Variants in RNGTT observed in about 807,000 individuals in gnomAD.
The protein encoded by RNGTT is mRNA-capping enzyme.
A neutral mutation model predicts 79.3 loss-of-function variants in RNGTT; 33 were observed. The ratio of observed to expected loss-of-function variants is 0.42; its 90% confidence interval spans 0.32 to 0.56. RNGTT has a LOEUF of 0.56. Among genes scored for constraint, RNGTT ranks in the 20% least tolerant of loss-of-function variants. The pLI is 0.17. For missense variants in RNGTT, 497 were observed against 739.1 expected (o/e 0.67, Z 3.80); for synonymous variants, 222 against 235.9 (o/e 0.94, Z 0.54).
chr6:88,949,082 T>A (rs1785136072), intron 1 of RNGTT, among the ~76,000 whole-genome samples: 1 of 115,784 alleles, frequency 8.6e-6, no homozygotes, highest in Non-Finnish European at 1.7e-5. Flanking sequence ...AATCCCCCTC[T>A]GTGAGAAACA....
intron 11 of RNGTT, among the ~76,000 whole-genome samples, chr6:88,820,349 C>T (rs1196452496): frequency 6.6e-6 from 1 of 152,118 alleles, no homozygotes; most frequent in Non-Finnish European, 1.5e-5. Context: ...AATCAAAAAA[C>T]AATCAAATAT....
intron 8 of RNGTT, among the ~76,000 whole-genome samples, chr6:88,870,035 A>C (rs566918491): frequency 6.6e-5 from 10 of 152,278 alleles, no homozygotes; most frequent in Non-Finnish European, 1.2e-4. Flanking sequence ...CAAAAATGTT[A>C]CTAAAATAAA....
chr6:88,646,617 G>C lies in RNGTT; in HGVS notation c.1506+31736C>G, dbSNP rs1457071494. Among the ~76,000 whole-genome samples, 7 of 152,272 alleles carry C rather than the reference G, an allele frequency of 4.6e-5. No individual in the cohort carries two copies. In the East Asian group the frequency reaches 1.2e-3, roughly 25 times the overall value. ...CCAAATGTCCACCAATGATAGACTG[G>C]ATTAAGAAAATGTGGCACATATACA... On this transcript the variant is annotated intron_variant, in intron 14 of 15. Transcript: ENST00000369485.
At chr6:88,886,978 A>G (rs145664589) in intron 8 of RNGTT, among the ~76,000 whole-genome samples, 7 of 151,066 alleles carry the variant, frequency 4.6e-5, no homozygotes, top group African/African-American at 1.7e-4. Flanking sequence ...CAGGAGGCCA[A>G]CAGGGAAGAA....
At chr6:88,640,198 G>A (rs900245856) in intron 14 of RNGTT, among the ~76,000 whole-genome samples, 1 of 152,116 alleles carries the variant, frequency 6.6e-6, no homozygotes, top group Non-Finnish European at 1.5e-5. Flanking sequence ...CTTAATGAAT[G>A]TCAGTTTAAT....
intron 14 of RNGTT, among the ~76,000 whole-genome samples, chr6:88,633,190 GAACAA>G (rs942302582): frequency 1.7e-4 from 26 of 151,824 alleles, no homozygotes; most frequent in African/African-American, 6.3e-4. Context: ...CTCCTTGAGT[GAACAA>G]AACAAGTCAT....
chr6:88,962,370 G>A (rs544199122), intron 1 of RNGTT, among the ~76,000 whole-genome samples: 3 of 152,062 alleles, frequency 2.0e-5, no homozygotes, highest in Non-Finnish European at 2.9e-5. Context: ...GGTGGCTCTC[G>A]CCTATAATCC....
chr6:88,956,899 C>T (rs1486677195), intron 1 of RNGTT, among the ~76,000 whole-genome samples: 1 of 151,934 alleles, frequency 6.6e-6, no homozygotes, highest in Non-Finnish European at 1.5e-5. Context: ...ATTAGCCAGA[C>T]GTGGTGGCAG....
At chr6:88,685,303 T>C (rs1028970666) in intron 13 of RNGTT, among the ~76,000 whole-genome samples, 5 of 152,126 alleles carry the variant, frequency 3.3e-5, no homozygotes, top group African/African-American at 4.8e-5. Flanking sequence ...TAGTTAGTAA[T>C]ATAACCAATT....
At chr6:88,650,009 A>T (rs531633135) in intron 14 of RNGTT, among the ~76,000 whole-genome samples, 281 of 152,270 alleles carry the variant, frequency 1.8e-3, no homozygotes, top group Middle Eastern at 3.4e-3. Flanking sequence ...GATTTTACTG[A>T]TTAGATCGTT....
At chr6:88,819,097 A>T (rs1007405973) in intron 11 of RNGTT, among the ~76,000 whole-genome samples, 1 of 152,190 alleles carries the variant, frequency 6.6e-6, no homozygotes, top group East Asian at 1.9e-4. Context: ...TACAGTTATT[A>T]TAACATCTAT....
chr6:88,741,559 G>A (rs1777493231), intron 13 of RNGTT, among the ~76,000 whole-genome samples: 1 of 151,968 alleles, frequency 6.6e-6, no homozygotes, highest in Admixed American at 6.6e-5. Context: ...TTACAAACCT[G>A]CACAATTACC....
chr6:88,840,541 C>T (rs1269483993), intron 11 of RNGTT, among the ~76,000 whole-genome samples: 1 of 152,138 alleles, frequency 6.6e-6, no homozygotes, highest in Non-Finnish European at 1.5e-5. Context: ...GAACTACAGG[C>T]ATGTGCCACC....
chr6:88,831,066 G>T (rs746873882), intron 11 of RNGTT, among the ~76,000 whole-genome samples: 1 of 152,048 alleles, frequency 6.6e-6, no homozygotes, highest in Non-Finnish European at 1.5e-5. Context: ...GAAAAAGAGG[G>T]GCTCCAACCT....
intron 13 of RNGTT, among the ~76,000 whole-genome samples, chr6:88,732,065 G>C (rs1179259203): frequency 6.6e-6 from 1 of 152,020 alleles, no homozygotes; most frequent in Non-Finnish European, 1.5e-5. Flanking sequence ...AGAAGAGGAG[G>C]GTTGGTCTTG....
chr6:88,652,497 C>T (rs1773833857), intron 14 of RNGTT, among the ~76,000 whole-genome samples: 1 of 152,076 alleles, frequency 6.6e-6, no homozygotes, highest in Non-Finnish European at 1.5e-5. Flanking sequence ...AATTAAAGAT[C>T]CCTCCAATCC....
At chr6:88,949,175 A>G (rs1300432823) in intron 1 of RNGTT, among the ~76,000 whole-genome samples, 32 of 140,952 alleles carry the variant, frequency 2.3e-4, no homozygotes, top group African/African-American at 7.7e-4. Flanking sequence ...AAAAAAAAAA[A>G]AAAGAAAATG....
At chr6:88,724,041 C>T (rs1377192475) in intron 13 of RNGTT, among the ~76,000 whole-genome samples, 2 of 152,034 alleles carry the variant, frequency 1.3e-5, no homozygotes, top group Non-Finnish European at 2.9e-5. Context: ...GGGTTTTAAC[C>T]TAACTCTTTT....
chr6:88,904,576 T>A, intron 6 of RNGTT, 139 bp downstream of exon 6: 2 of 1,050,808 alleles, frequency 1.9e-6, no homozygotes, highest in Non-Finnish European at 2.6e-6. Context: ...AAAAAAAAAT[T>A]TTTTTTTTAG....
Sources: allele counts gnomAD v4.1 joint callset (sites outside exome capture counted in the v4.1 genomes callset), GRCh38; gene constraint gnomAD v4.1.1; transcripts MANE v1.5; gene names NCBI Gene and HGNC (gene_info 2026-07-23, HGNC 2026-07-21).